Variants in PTPRD observed in about 807,000 individuals in gnomAD.
The protein encoded by PTPRD is receptor-type tyrosine-protein phosphatase delta.
A neutral mutation model predicts 214.5 loss-of-function variants in PTPRD; 34 were observed. The observed-to-expected ratio is 0.16, with a 90% CI of 0.12 to 0.21. The LOEUF is 0.21. Ranked by LOEUF, PTPRD falls within the 10% of genes least tolerant of loss-of-function variation. PTPRD has a pLI of 1.00. For synonymous variants in PTPRD, 1,128 were observed against 845.7 expected (o/e 1.33, Z -5.79); for missense variants, 2,545 against 2,398.7 (o/e 1.06, Z -1.27).
At chr9:9,177,734 T>C (rs2099925773) in intron 10 of PTPRD, among the ~76,000 whole-genome samples, 1 of 152,090 alleles carries the variant, frequency 6.6e-6, no homozygotes, top group Non-Finnish European at 1.5e-5. Context: ...ACAAATCAAT[T>C]TAAAAATCAG....
At chr9:9,669,972 A>T (rs1019080134) in intron 7 of PTPRD, among the ~76,000 whole-genome samples, 12 of 152,150 alleles carry the variant, frequency 7.9e-5, no homozygotes, top group African/African-American at 2.9e-4. Flanking sequence ...TTGCCCCTCA[A>T]TATCTTTTAG....
At chr9:8,718,745 CA>C (rs1391662454) in intron 12 of PTPRD, among the ~76,000 whole-genome samples, 1 of 152,190 alleles carries the variant, frequency 6.6e-6, no homozygotes, top group Non-Finnish European at 1.5e-5. Flanking sequence ...ACTGCCAGGA[CA>C]AGCTGACCAT....
intron 22 of PTPRD, among the ~76,000 whole-genome samples, chr9:8,506,525 T>G (rs985729481): frequency 3.9e-5 from 6 of 152,170 alleles, no homozygotes. Flanking sequence ...TAGACTCAAA[T>G]CCCAGCTCTG....
chr9:10,040,306 C>T (rs1028901198), intron 3 of PTPRD, among the ~76,000 whole-genome samples: 3 of 152,084 alleles, frequency 2.0e-5, no homozygotes, highest in East Asian at 3.9e-4. Flanking sequence ...CTGGATGTAG[C>T]TTTGAATAAA....
chr9:10,121,042 T>C (rs1398397950), intron 3 of PTPRD, among the ~76,000 whole-genome samples: 1 of 152,176 alleles, frequency 6.6e-6, no homozygotes, highest in Non-Finnish European at 1.5e-5. Flanking sequence ...AATTGTATTA[T>C]GGTTTGTACC....
chr9:8,344,449 G>C (rs1855591253), intron 39 of PTPRD, among the ~76,000 whole-genome samples: 2 of 110,318 alleles, frequency 1.8e-5, no homozygotes, highest in African/African-American at 5.1e-5. Context: ...TTTCATAATG[G>C]TGATTTTTTT....
intron 39 of PTPRD, among the ~76,000 whole-genome samples, chr9:8,352,582 C>A (rs142727249): frequency 6.6e-6 from 1 of 152,086 alleles, no homozygotes; most frequent in Non-Finnish European, 1.5e-5. Flanking sequence ...ACATGGACTA[C>A]GTACAACGTG....
chr9:9,341,482 T>G (rs750354527), intron 9 of PTPRD, among the ~76,000 whole-genome samples: 1 of 152,136 alleles, frequency 6.6e-6, no homozygotes, highest in Non-Finnish European at 1.5e-5. Context: ...GACACAGACA[T>G]TAGTAGCCTG....
At chr9:8,483,753 T>C (rs1026407610) in intron 30 of PTPRD, among the ~76,000 whole-genome samples, 1 of 152,090 alleles carries the variant, frequency 6.6e-6, no homozygotes, top group African/African-American at 2.4e-5. Context: ...CACTCCAGCC[T>C]GGGTGACAGG....
At chr9:8,813,036 G>C (rs189328436) in intron 11 of PTPRD, among the ~76,000 whole-genome samples, 18 of 150,474 alleles carry the variant, frequency 1.2e-4, no homozygotes, top group Non-Finnish European at 2.4e-4. Flanking sequence ...GAGAAAATAG[G>C]ATCTACACTG....
At chr9:8,920,546 C>T (rs1228383765) in intron 11 of PTPRD, among the ~76,000 whole-genome samples, 1 of 152,104 alleles carries the variant, frequency 6.6e-6, no homozygotes, top group Non-Finnish European at 1.5e-5. Flanking sequence ...TCTTGGGTCA[C>T]ACATAAAATA....
At chr9:10,413,256 C>G (rs541605492) in intron 2 of PTPRD, among the ~76,000 whole-genome samples, 1 of 152,060 alleles carries the variant, frequency 6.6e-6, no homozygotes, top group South Asian at 2.1e-4. Flanking sequence ...ACAACTTCAG[C>G]TAAGTCTCAG....
At chr9:9,715,741 A>G (rs1270170632) in intron 7 of PTPRD, among the ~76,000 whole-genome samples, 1 of 152,192 alleles carries the variant, frequency 6.6e-6, no homozygotes, top group East Asian at 1.9e-4. Context: ...TCCTATTTCA[A>G]AGAGAGGTTA....
chr9:9,607,817 C>A (rs989878842), intron 7 of PTPRD, among the ~76,000 whole-genome samples: 8 of 151,716 alleles, frequency 5.3e-5, no homozygotes, highest in Non-Finnish European at 7.4e-5. Context: ...GAAGGCTTGC[C>A]CCAAAAGAGC....
At chr9:10,004,827 G>C (rs911018630) in intron 4 of PTPRD, among the ~76,000 whole-genome samples, 2 of 152,090 alleles carry the variant, frequency 1.3e-5, no homozygotes, top group African/African-American at 2.4e-5. Flanking sequence ...ACTGAAAGTT[G>C]TCACACTGAG....
chr9:9,464,907 T>C (rs1434867876), intron 8 of PTPRD, among the ~76,000 whole-genome samples: 3 of 152,196 alleles, frequency 2.0e-5, no homozygotes, highest in Non-Finnish European at 4.4e-5. Context: ...GCATGTCCAA[T>C]GCAGGCGTCT....
chr9:10,594,068 C>T (rs1488850678), intron 2 of PTPRD, among the ~76,000 whole-genome samples: 1 of 151,864 alleles, frequency 6.6e-6, no homozygotes, highest in African/African-American at 2.4e-5. Flanking sequence ...GTTGTGCTTC[C>T]ATCTTTTCTA....
At chr9:10,402,372 A>G (rs1178248376) in intron 2 of PTPRD, among the ~76,000 whole-genome samples, 1 of 151,732 alleles carries the variant, frequency 6.6e-6, no homozygotes, top group African/African-American at 2.4e-5. Flanking sequence ...TAAAGGTCAA[A>G]TTTAATCTGT....
chr9:8,581,725 C>T (rs923030853), intron 14 of PTPRD, among the ~76,000 whole-genome samples: 31 of 147,994 alleles, frequency 2.1e-4, no homozygotes, highest in African/African-American at 6.7e-4. Context: ...CTAGCCCGGA[C>T]GACAGAGCGA....
Sources: allele counts gnomAD v4.1 joint callset (sites outside exome capture counted in the v4.1 genomes callset), GRCh38; gene constraint gnomAD v4.1.1; transcripts MANE v1.5; gene names NCBI Gene and HGNC (gene_info 2026-07-23, HGNC 2026-07-21).